The following KIF18B variants were observed in gnomAD, a reference collection of about 807,000 sequenced individuals.
KIF18B encodes kinesin-like protein KIF18B.
Under a neutral mutation model 80.9 loss-of-function variants are expected in KIF18B, and 49 were observed. The observed-to-expected ratio is 0.61, with a 90% confidence interval of 0.48 to 0.77. KIF18B has a LOEUF of 0.77. Ranked by LOEUF, KIF18B falls within the 30% of genes least tolerant of loss-of-function variation. The pLI is 0.00. For missense variants in KIF18B, 994 were observed against 1,127.7 expected (o/e 0.88, Z 1.70); for synonymous variants, 439 against 463.9 (o/e 0.95, Z 0.69).
rs151266142 is a variant in KIF18B at position 44,932,332 on chromosome 17, T to G, written c.1239-126A>C. The G allele has an allele frequency of 4.5e-4, 491 of 1,100,524 alleles. 2 individuals carry two copies. In the African/African-American group the frequency reaches 7.0e-3, roughly 16 times the overall value. The allele number at this position is 1,100,524 out of a possible 1,614,324, so 68.2% of individuals were successfully genotyped here. A position where few individuals can be genotyped will look rare whatever the true frequency, so the allele number is the denominator to read the frequency against. On this transcript the variant is annotated intron_variant, in intron 9 of 15. Coordinates refer to ENST00000593135, the MANE Select transcript of KIF18B (RefSeq NM_001265577.2). ...GGATCTCTGTGGCACCCAGGTCGTA[T>G]AGAGTCCATAAGGGACAGATGCTTA... is the stretch of plus-strand genomic sequence containing the variant.
chr17:44,941,640 TA>T (rs1014753510), intron 1 of KIF18B, among the ~76,000 whole-genome samples: 2 of 152,114 alleles, frequency 1.3e-5, no homozygotes, highest in African/African-American at 4.8e-5. Flanking sequence ...CACCCAGCTG[TA>T]CCTAATTTTC....
intron 1 of KIF18B, 131 bp downstream of exon 1, chr17:44,947,497 C>A (rs1210135278): frequency 6.6e-6 from 1 of 152,376 alleles, no homozygotes; most frequent in African/African-American, 2.4e-5. Context: ...GCTCGTTCTC[C>A]GCGCCGCACC....
chr17:44,935,412 A>C lies in KIF18B; in HGVS notation c.318T>G (p.Phe106Leu). The change falls in exon 3 of 16, where the codon TTT becomes TTG. Residue 106 changes from phenylalanine (F) to leucine (L), a missense_variant. Coordinates refer to ENST00000593135, the MANE Select transcript of KIF18B (RefSeq NM_001265577.2). ...TCCCAGCCCCGGTGGCCCCGTAGGC[A>C]AACACTGCAGAGGACATAGTAAGGA... is the stretch of plus-strand genomic sequence containing the variant. ...SFLQGYNCSV[F>L]AYGATGAGKT... The C allele has an allele frequency of 1.9e-6, 3 of 1,607,992 alleles. No homozygotes were observed. Among genetic ancestry groups the C allele is most frequent in the Non-Finnish European group, 1.7e-6 (2 of 1,176,704 alleles).
chr17:44,926,959 C>A, intron 14 of KIF18B, 30 bp downstream of exon 14: 1 of 1,577,746 alleles, frequency 6.3e-7, no homozygotes, highest in South Asian at 1.2e-5. Flanking sequence ...AGCTCCTTCT[C>A]CCAGACAGCT....
At chr17:44,928,672 CTG>C in intron 12 of KIF18B, 94 bp from the exon 13 acceptor site, 1 of 1,388,134 alleles carries the variant, frequency 7.2e-7, no homozygotes, top group South Asian at 1.5e-5. Context: ...TGGGGCCTCT[CTG>C]TGTGCAGAAG....
Position 44,929,043 on chromosome 17 carries a change from G to T in KIF18B, c.1518-19C>A, listed in dbSNP as rs377646615. ...GGCCAACCTGGAACAGAAGAAAGGG[G>T]ATTCCCAGCCCTGCTCAGACTCAGC... On this transcript the variant is annotated intron_variant, in intron 11 of 15. Transcript: ENST00000593135. The T allele has an allele frequency of 9.6e-5, 155 of 1,611,040 alleles. No homozygotes were observed. Among genetic ancestry groups the T allele is most frequent in the Non-Finnish European group, 1.2e-4 (142 of 1,177,528 alleles).
chr17:44,928,801 G>C lies in KIF18B; in HGVS notation c.1723+18C>G. On this transcript the variant is annotated intron_variant, in intron 12 of 15. Coordinates refer to ENST00000593135, the MANE Select transcript of KIF18B (RefSeq NM_001265577.2). ...CAGCACCTTGAAGACAGGCAGGGGA[G>C]AGCAGGATGAGACTCACTTGACTCT... is the stretch of plus-strand genomic sequence containing the variant. 1 of 1,610,764 alleles carries C rather than the reference G, an allele frequency of 6.2e-7. No individual in the cohort carries two copies. Among genetic ancestry groups the C allele is most frequent in the Non-Finnish European group, 8.5e-7 (1 of 1,178,078 alleles).
intron 1 of KIF18B, among the ~76,000 whole-genome samples, chr17:44,940,901 C>T (rs1597895566): frequency 6.6e-6 from 1 of 152,164 alleles, no homozygotes; most frequent in Non-Finnish European, 1.5e-5. Context: ...ATCAACCAAC[C>T]ATAATCCTTT....
intron 11 of KIF18B, among the ~76,000 whole-genome samples, chr17:44,931,360 G>A (rs953654281): frequency 6.6e-6 from 1 of 152,192 alleles, no homozygotes; most frequent in Non-Finnish European, 1.5e-5. Flanking sequence ...CTGGCTGCCT[G>A]GATGTACTCT....
chr17:44,936,567 T>A (rs868519417), intron 1 of KIF18B, among the ~76,000 whole-genome samples: 1,899 of 48,602 alleles, frequency 0.039, 74 homozygotes, highest in Non-Finnish European at 0.048. Flanking sequence ...TCTCTCTCTC[T>A]CTCTCTCTCT....
At chr17:44,937,977 T>TAC (rs57130293) in intron 1 of KIF18B, among the ~76,000 whole-genome samples, 11,428 of 143,904 alleles carry the variant, frequency 0.079, 418 homozygotes, top group Middle Eastern at 0.1. Context: ...AGCATCTCCA[T>TAC]ACACACACAC....
At chr17:44,943,671 G>A (rs760163502) in intron 1 of KIF18B, among the ~76,000 whole-genome samples, 74 of 152,074 alleles carry the variant, frequency 4.9e-4, no homozygotes, top group Non-Finnish European at 9.4e-4. Flanking sequence ...AGTCATGAAT[G>A]GATATTGAAC....
intron 1 of KIF18B, among the ~76,000 whole-genome samples, chr17:44,945,028 TATATG>T (rs1188750477): frequency 6.6e-6 from 1 of 152,236 alleles, no homozygotes; most frequent in Non-Finnish European, 1.5e-5. Flanking sequence ...ATAATCCTAT[TATATG>T]ATAAAACTCT....
chr17:44,932,482 G>T, intron 9 of KIF18B, 191 bp downstream of exon 9: 1 of 596,888 alleles, frequency 1.7e-6, no homozygotes, highest in Non-Finnish European at 3.0e-6. Context: ...GGGCTGGGGT[G>T]CCATTTACTC....
At chr17:44,936,624 ATTTTTTTTTTTTTTTTTT>A (rs72105429) in intron 1 of KIF18B, among the ~76,000 whole-genome samples, 1,030 of 27,810 alleles carry the variant, frequency 0.037, 25 homozygotes, top group African/African-American at 0.14. Flanking sequence ...ATATATATAT[ATTTTTTTTTTTTTTTTTT>A]TTTTTTTTTT....
rs1437982391 is a variant in KIF18B at position 44,934,719 on chromosome 17, A to G, written c.577-102T>C. 8.0e-7 allele frequency: 1 copy of G among 1,246,898 alleles called. No homozygotes were observed. Among genetic ancestry groups the G allele is most frequent in the East Asian group, 2.6e-5 (1 of 39,000 alleles). The allele number at this position is 1,246,898 out of a possible 1,614,324, so 77.2% of individuals were successfully genotyped here. On this transcript the variant is annotated intron_variant, in intron 4 of 15. Transcript: ENST00000593135. The surrounding 1 kb of genome is among the most constrained non-coding windows in gnomAD (Gnocchi z 5.4). ...TCAGAATCTACATCACCCCCTTGCT[A>G]CCACCACCACTGCTACCACCATCAC... is the stretch of plus-strand genomic sequence containing the variant.
At chr17:44,926,830 A>G (rs1322550180) in intron 14 of KIF18B, among the ~76,000 whole-genome samples, 159 bp downstream of exon 14, 1 of 152,166 alleles carries the variant, frequency 6.6e-6, no homozygotes, top group Non-Finnish European at 1.5e-5. Context: ...GGAAACCTCA[A>G]TAGGAGAACT....
chr17:44,929,040 G>T lies in KIF18B; in HGVS notation c.1518-16C>A. 6.2e-7 allele frequency: 1 copy of T among 1,612,276 alleles called. No individual in the cohort carries two copies. Among genetic ancestry groups the T allele is most frequent in the South Asian group, 1.1e-5 (1 of 91,028 alleles). Reference sequence around the variant, plus strand: ...TAGGGCCAACCTGGAACAGAAGAAAGGGGATTCCCAGCCCTGCTCAGACTC... The same window carrying T: ...TAGGGCCAACCTGGAACAGAAGAAATGGGATTCCCAGCCCTGCTCAGACTC... On this transcript the variant is annotated splice_polypyrimidine_tract_variant and intron_variant, in intron 11 of 15. Transcript: ENST00000593135.
At position 44,934,084 on chromosome 17, in the gene KIF18B, CA is replaced by C; in HGVS notation, c.900del (p.His300GlnfsTer9). On this transcript the variant is annotated frameshift_variant, in exon 7 of 16. Transcript: ENST00000593135. LOFTEE classifies it high-confidence loss of function. The surrounding 1 kb of genome is among the most constrained non-coding windows in gnomAD (Gnocchi z 5.4). ...ALADAKGRKT[H>X]VPYRDSKLTR... ...GTCAGTTTGCTGTCCCGGTAGGGCA[CA>C]TGGGTCTTGCGGCCCTGGGGGGCAG... 6.2e-7 allele frequency: 1 copy of C among 1,612,646 alleles called. No homozygotes were observed. The highest frequency in any genetic ancestry group is 1.1e-5 in the South Asian group (1 of 90,788).
Sources: allele counts gnomAD v4.1 joint callset (sites outside exome capture counted in the v4.1 genomes callset), GRCh38; gene constraint gnomAD v4.1.1; non-coding constraint Gnocchi (gnomAD v3.1); transcripts MANE v1.5; gene names NCBI Gene and HGNC (gene_info 2026-07-23, HGNC 2026-07-21).